The following ADK variants were observed in gnomAD, a reference collection of about 807,000 sequenced individuals.
ADK encodes N6,N6-dimethyladenosine kinase.
Under a neutral mutation model 44.7 loss-of-function variants are expected in ADK, and 24 were observed. The observed-to-expected ratio is 0.54, with a 90% confidence interval of 0.39 to 0.76. ADK has a LOEUF of 0.76. Among genes scored for constraint, ADK ranks in the 30% least tolerant of loss-of-function variants. ADK has a pLI of 0.00. For synonymous variants in ADK, 128 were observed against 142.6 expected (o/e 0.90, Z 0.73); for missense variants, 321 against 425.1 (o/e 0.76, Z 2.15).
At chr10:74,647,272 A>G (rs1280299847) in intron 9 of ADK, among the ~76,000 whole-genome samples, 1 of 152,216 alleles carries the variant, frequency 6.6e-6, no homozygotes, top group Non-Finnish European at 1.5e-5. Context: ...CACAGACGAT[A>G]TAGAGTTATG....
intron 1 of ADK, among the ~76,000 whole-genome samples, chr10:74,153,018 G>C (rs2132022174): frequency 6.6e-6 from 1 of 151,164 alleles, no homozygotes; most frequent in East Asian, 1.9e-4. Flanking sequence ...CAGACTCAAA[G>C]TGTGATAATG....
At chr10:74,275,930 T>G (rs1398881056) in intron 3 of ADK, among the ~76,000 whole-genome samples, 2 of 152,166 alleles carry the variant, frequency 1.3e-5, no homozygotes, top group East Asian at 3.9e-4. Flanking sequence ...CATGAACCAC[T>G]GTACCCAGCC....
chr10:74,630,350 A>G (rs1853366392), intron 9 of ADK, among the ~76,000 whole-genome samples: 1 of 150,986 alleles, frequency 6.6e-6, no homozygotes, highest in South Asian at 2.1e-4. Context: ...GGTCCAGGAT[A>G]CAATCTAGGA....
intron 9 of ADK, among the ~76,000 whole-genome samples, chr10:74,631,680 A>C (rs145837274): frequency 1.9e-3 from 290 of 152,262 alleles, no homozygotes; most frequent in Non-Finnish European, 3.1e-3. Flanking sequence ...TGAACCATCA[A>C]GACCAGGGAA....
chr10:74,490,357 C>T (rs892535811), intron 6 of ADK, among the ~76,000 whole-genome samples: 3 of 151,958 alleles, frequency 2.0e-5, no homozygotes, highest in Admixed American at 6.6e-5. Flanking sequence ...TAATGTAGAA[C>T]GATGTTAAAC....
chr10:74,191,341 G>A (rs927833491), intron 1 of ADK, among the ~76,000 whole-genome samples: 1 of 151,542 alleles, frequency 6.6e-6, no homozygotes, highest in Admixed American at 6.6e-5. Context: ...ATTTTTGGAG[G>A]TCCTTACTCT....
At chr10:74,349,662 G>A (rs1841893733) in intron 4 of ADK, among the ~76,000 whole-genome samples, 1 of 152,020 alleles carries the variant, frequency 6.6e-6, no homozygotes, top group Non-Finnish European at 1.5e-5. Context: ...GCTGTATTCA[G>A]GAGACCCATC....
chr10:74,525,701 C>T (rs185892820), intron 7 of ADK, among the ~76,000 whole-genome samples: 1 of 151,994 alleles, frequency 6.6e-6, no homozygotes, highest in Non-Finnish European at 1.5e-5. Flanking sequence ...TTCATCCAGG[C>T]TGGAGTATAA....
At chr10:74,185,676 CAA>C (rs539050161) in intron 1 of ADK, among the ~76,000 whole-genome samples, 1 of 143,718 alleles carries the variant, frequency 7.0e-6, no homozygotes. Flanking sequence ...ACTAAAAATA[CAA>C]AAAAAAAATT....
At chr10:74,215,715 G>C (rs1334261313) in intron 2 of ADK, among the ~76,000 whole-genome samples, 2 of 141,806 alleles carry the variant, frequency 1.4e-5, no homozygotes, top group African/African-American at 5.3e-5. Flanking sequence ...ACCCAGGCTA[G>C]AGTGCAGTGG....
At chr10:74,525,751 TTCAAGCAGTTC>T (rs1184459922) in intron 7 of ADK, among the ~76,000 whole-genome samples, 1 of 151,910 alleles carries the variant, frequency 6.6e-6, no homozygotes, top group East Asian at 1.9e-4. Context: ...CCTTCCCGGG[TTCAAGCAGTTC>T]TCCTGCCTCA....
intron 7 of ADK, among the ~76,000 whole-genome samples, chr10:74,547,745 A>G (rs1332680793): frequency 6.6e-6 from 1 of 151,752 alleles, no homozygotes; most frequent in Non-Finnish European, 1.5e-5. Context: ...CACAACCTCC[A>G]CCTCCTGGAT....
At position 74,228,313 on chromosome 10, in the gene ADK, T is replaced by C. The variant is rs116944132; in HGVS notation, c.194+3722T>C. On this transcript the variant is annotated intron_variant, in intron 3 of 10. Coordinates refer to ENST00000539909, the MANE Select transcript of ADK (RefSeq NM_006721.4). ...ACATACTGAAGACCTTGGGGGATGA[T>C]TTTAAGTAGAGAAAGCTGAGCAATT... is the stretch of plus-strand genomic sequence containing the variant. Among the ~76,000 whole-genome samples, 19 of 152,292 alleles carry C rather than the reference T, an allele frequency of 1.2e-4. No homozygotes were observed. The East Asian group carries it at 3.7e-3, about 29-fold the overall frequency.
At chr10:74,553,314 C>T (rs1850110952) in intron 7 of ADK, among the ~76,000 whole-genome samples, 1 of 148,334 alleles carries the variant, frequency 6.7e-6, no homozygotes, top group Non-Finnish European at 1.5e-5. Flanking sequence ...GATTCTCCTG[C>T]CTCAGCCTCC....
At chr10:74,556,876 A>G (rs1850268999) in intron 7 of ADK, among the ~76,000 whole-genome samples, 1 of 152,172 alleles carries the variant, frequency 6.6e-6, no homozygotes, top group African/African-American at 2.4e-5. Flanking sequence ...TTTATGCCTT[A>G]CTATCACATT....
At chr10:74,607,443 C>T (rs1222848287) in intron 9 of ADK, among the ~76,000 whole-genome samples, 1 of 152,170 alleles carries the variant, frequency 6.6e-6, no homozygotes, top group Non-Finnish European at 1.5e-5. Flanking sequence ...CAAAATCTCT[C>T]AGCATTTGCT....
chr10:74,244,608 A>C (rs1413521450), intron 3 of ADK, among the ~76,000 whole-genome samples: 3 of 152,174 alleles, frequency 2.0e-5, no homozygotes, highest in South Asian at 2.1e-4. Context: ...TTTATTAGAT[A>C]TGTGTTACCA....
intron 6 of ADK, among the ~76,000 whole-genome samples, chr10:74,524,877 T>C (rs1262658995): frequency 6.6e-6 from 1 of 152,136 alleles, no homozygotes; most frequent in Non-Finnish European, 1.5e-5. Flanking sequence ...AAAAAATATA[T>C]ATTCCAAACT....
chr10:74,546,010 C>G (rs916121958), intron 7 of ADK, among the ~76,000 whole-genome samples: 4 of 152,184 alleles, frequency 2.6e-5, no homozygotes, highest in African/African-American at 9.6e-5. Flanking sequence ...ATGACCTCTT[C>G]ATTTCCTACC....
Sources: allele counts gnomAD v4.1 joint callset (sites outside exome capture counted in the v4.1 genomes callset), GRCh38; gene constraint gnomAD v4.1.1; transcripts MANE v1.5; gene names NCBI Gene and HGNC (gene_info 2026-07-23, HGNC 2026-07-21).